Variants in AKAP6 observed in about 807,000 individuals in gnomAD.
AKAP6 encodes the protein A-kinase anchor protein 6.
Under a neutral mutation model 188.5 loss-of-function variants are expected in AKAP6, and 58 were observed. The observed-to-expected ratio is 0.31, with a 90% CI of 0.25 to 0.38. AKAP6 has a LOEUF of 0.38. AKAP6 is among the 10% of genes least tolerant of loss of function. AKAP6 has a pLI of 1.00. For missense variants in AKAP6, 2,710 were observed against 2,740.0 expected, an observed-to-expected ratio of 0.99 and a Z score of 0.24; for synonymous variants, 989 against 998.6, an observed-to-expected ratio of 0.99 and a Z score of 0.18.
intron 5 of AKAP6, among the ~76,000 whole-genome samples, chr14:32,579,255 G>T (rs2139273863): frequency 6.6e-6 from 1 of 152,182 alleles, no homozygotes; most frequent in East Asian, 1.9e-4. Context: ...CCAGTTTGCT[G>T]TGGGCCACCA....
At chr14:32,331,608 T>G (rs1886538192) in intron 1 of AKAP6, among the ~76,000 whole-genome samples, 1 of 152,162 alleles carries the variant, frequency 6.6e-6, no homozygotes, top group Non-Finnish European at 1.5e-5. Flanking sequence ...CAGCCTGCGC[T>G]GCTCTCTGAT....
intron 1 of AKAP6, among the ~76,000 whole-genome samples, chr14:32,351,188 T>C (rs989898689): frequency 1.3e-5 from 2 of 152,346 alleles, no homozygotes; most frequent in South Asian, 4.1e-4. Flanking sequence ...CTTATAGACA[T>C]TAAATAGTTT....
At chr14:32,727,470 T>C (rs2030928915) in intron 9 of AKAP6, among the ~76,000 whole-genome samples, 2 of 152,354 alleles carry the variant, frequency 1.3e-5, no homozygotes, top group South Asian at 4.1e-4. Flanking sequence ...GATTGTTTTA[T>C]GATCTTCTAT....
At chr14:32,331,351 A>AG (rs574021887) in intron 1 of AKAP6, among the ~76,000 whole-genome samples, 232 of 152,170 alleles carry the variant, frequency 1.5e-3, no homozygotes, top group African/African-American at 3.7e-3. Flanking sequence ...GGGCAGTGTT[A>AG]GAAAAAGTGG....
At chr14:32,425,820 TTC>T (rs1890011248) in intron 1 of AKAP6, among the ~76,000 whole-genome samples, 2 of 152,230 alleles carry the variant, frequency 1.3e-5, no homozygotes, top group African/African-American at 4.8e-5. Context: ...TGTTAATAGT[TTC>T]TTTTGCTGTG....
chr14:32,662,877 C>T (rs1029888764), intron 7 of AKAP6, among the ~76,000 whole-genome samples: 1 of 152,004 alleles, frequency 6.6e-6, no homozygotes, highest in Non-Finnish European at 1.5e-5. Context: ...TTATTTCTCC[C>T]ACATTTTTAC....
chr14:32,628,071 T>C (rs1307226263), intron 7 of AKAP6: 1 of 152,088 alleles, frequency 6.6e-6, no homozygotes, highest in Admixed American at 6.6e-5. Flanking sequence ...AATGCAACAG[T>C]TGTTGAAGAA....
chr14:32,465,210 T>A (rs1408426602), intron 2 of AKAP6, among the ~76,000 whole-genome samples: 1 of 152,100 alleles, frequency 6.6e-6, no homozygotes, highest in African/African-American at 2.4e-5. Context: ...AGCTACCATG[T>A]CTTTCTTTGC....
At chr14:32,422,524 A>G (rs1889884411) in intron 1 of AKAP6, among the ~76,000 whole-genome samples, 3 of 152,198 alleles carry the variant, frequency 2.0e-5, no homozygotes, top group Non-Finnish European at 2.9e-5. Flanking sequence ...GACAATGCAC[A>G]TGGAATACCA....
At position 32,545,760 on chromosome 14, in the gene AKAP6, C is replaced by CA; in HGVS notation, c.1110dup (p.Arg371ThrfsTer8). The CA allele has an allele frequency of 6.2e-7, 1 of 1,614,212 alleles. No individual in the cohort carries two copies. The highest frequency in any genetic ancestry group is 8.5e-7 in the Non-Finnish European group (1 of 1,180,030). ...CTGTTCCTTGTGAAAATGCAACCCC[C>CA]AAACGAACCATCAGAGATTGCTTTA... On this transcript the variant is annotated frameshift_variant, in exon 4 of 14. Transcript: ENST00000280979. LOFTEE classifies it high-confidence loss of function.
intron 1 of AKAP6, among the ~76,000 whole-genome samples, chr14:32,391,772 C>T (rs1888725668): frequency 6.6e-6 from 1 of 152,174 alleles, no homozygotes; most frequent in African/African-American, 2.4e-5. Flanking sequence ...TTTACTGATG[C>T]TCCCCAGAAG....
At chr14:32,676,323 T>A (rs1654179856) in intron 7 of AKAP6, among the ~76,000 whole-genome samples, 3 of 152,180 alleles carry the variant, frequency 2.0e-5, no homozygotes, top group Admixed American at 1.3e-4. Flanking sequence ...CTCTTTACAT[T>A]TAGTTTTATC....
Position 32,521,928 on chromosome 14 carries a change from A to G in AKAP6, c.325-13626A>G, listed in dbSNP as rs376395086. ...AAAGCTGGAGACATCATGCTACCTGACTTCAAACTATACTACAAGGCTACA... is the reference window on the plus strand; with the variant it reads ...AAAGCTGGAGACATCATGCTACCTGGCTTCAAACTATACTACAAGGCTACA... On this transcript the variant is annotated intron_variant, in intron 2 of 13. Transcript: ENST00000280979. Among the ~76,000 whole-genome samples, 48 of 152,310 alleles carry G rather than the reference A, an allele frequency of 3.2e-4. No homozygotes were observed. The East Asian group carries it at 6.2e-3, about 20-fold the overall frequency.
Position 32,492,355 on chromosome 14 carries a change from T to TATATATAGAGAG in AKAP6, c.325-43198_325-43197insTATATAGAGAGA. Among the ~76,000 whole-genome samples, 247 of 82,588 alleles carry TATATATAGAGAG rather than the reference T, an allele frequency of 3.0e-3. 2 individuals are homozygous for TATATATAGAGAG. Among genetic ancestry groups the TATATATAGAGAG allele is most frequent in the South Asian group, 0.011 (16 of 1,426 alleles). 54.2% of individuals were successfully genotyped at this position (82,588 alleles called of 152,430 possible). ...ACATTGTAATATATATATATATATA[T>TATATATAGAGAG]AGAGAGAGAGAGAGAGAGAGAGAGA... On this transcript the variant is annotated intron_variant, in intron 2 of 13. Coordinates refer to ENST00000280979, the MANE Select transcript of AKAP6 (RefSeq NM_004274.5).
At chr14:32,617,932 G>T (rs1411361443) in intron 7 of AKAP6, among the ~76,000 whole-genome samples, 6 of 151,966 alleles carry the variant, frequency 3.9e-5, no homozygotes, top group Non-Finnish European at 5.9e-5. Context: ...CAGCCCTTCA[G>T]GTCATTTTTT....
At chr14:32,623,378 G>A (rs1011681841) in intron 7 of AKAP6, among the ~76,000 whole-genome samples, 2 of 152,058 alleles carry the variant, frequency 1.3e-5, no homozygotes, top group African/African-American at 4.8e-5. Flanking sequence ...GTATCCATAG[G>A]TTAATATTTG....
At chr14:32,362,560 AG>A (rs1887698670) in intron 1 of AKAP6, among the ~76,000 whole-genome samples, 1 of 152,116 alleles carries the variant, frequency 6.6e-6, no homozygotes, top group African/African-American at 2.4e-5. Flanking sequence ...GGAATAGACT[AG>A]TGGTAGTGGG....
At chr14:32,584,502 T>A (rs1391793954) in intron 5 of AKAP6, among the ~76,000 whole-genome samples, 1 of 152,218 alleles carries the variant, frequency 6.6e-6, no homozygotes, top group African/African-American at 2.4e-5. Flanking sequence ...TAAAGGGGAC[T>A]ACTGTATACA....
At chr14:32,774,728 C>G (rs2033002032) in intron 12 of AKAP6, among the ~76,000 whole-genome samples, 1 of 149,878 alleles carries the variant, frequency 6.7e-6, no homozygotes, top group African/African-American at 2.5e-5. Context: ...CCATGTTTGA[C>G]TTATATAAAT....
Sources: gnomAD v4.1 joint callset for allele counts (sites outside exome capture counted in the v4.1 genomes callset) on GRCh38, gnomAD v4.1.1 for gene constraint, MANE v1.5 for transcripts, NCBI Gene and HGNC (gene_info 2026-07-23, HGNC 2026-07-21) for gene names.